BTG4: variants seen among roughly 807,000 people sequenced by gnomAD.
The protein encoded by BTG4 is protein BTG4.
Under a neutral mutation model 19.3 loss-of-function variants are expected in BTG4, and 10 were observed. The observed-to-expected ratio is 0.52, with a 90% CI of 0.32 to 0.88. BTG4 has a LOEUF of 0.88. BTG4 is among the 40% of genes least tolerant of loss of function. The pLI is 0.04. For synonymous variants in BTG4, 91 were observed against 95.7 expected, an observed-to-expected ratio of 0.95 and a Z score of 0.29; for missense variants, 238 against 281.9, an observed-to-expected ratio of 0.84 and a Z score of 1.11.
chr11:111,405,982 C>T, the BTG4 span, among the ~76,000 whole-genome samples: 1 of 152,162 alleles, frequency 6.6e-6, no homozygotes, highest in Non-Finnish European at 1.5e-5. Context: ...ATTATTACAG[C>T]ATTCTGCAGA....
the BTG4 span, among the ~76,000 whole-genome samples, chr11:111,402,023 C>T: frequency 2.0e-5 from 3 of 152,174 alleles, no homozygotes; most frequent in African/African-American, 7.2e-5. Context: ...TGTGTCTCCA[C>T]CCAACTCTCA....
the BTG4 span, among the ~76,000 whole-genome samples, chr11:111,426,176 C>T: frequency 7.2e-5 from 11 of 152,056 alleles, no homozygotes; most frequent in South Asian, 2.1e-3. Context: ...GGGGTATGCT[C>T]AGTGTCTTCC....
chr11:111,471,435 T>C (rs927225101), intron 5 of BTG4, among the ~76,000 whole-genome samples: 5 of 152,204 alleles, frequency 3.3e-5, no homozygotes, highest in African/African-American at 1.2e-4. Context: ...TTTTCTGTGC[T>C]CATCCATCAG....
At chr11:111,477,220 AT>A (rs750538456) in intron 5 of BTG4, among the ~76,000 whole-genome samples, 1 of 152,152 alleles carries the variant, frequency 6.6e-6, no homozygotes, top group Admixed American at 6.5e-5. Context: ...AATGCCACAG[AT>A]TACAAGACAG....
At chr11:111,402,206 T>G in the BTG4 span, among the ~76,000 whole-genome samples, 1 of 7,186 alleles carries the variant, frequency 1.4e-4, no homozygotes, top group African/African-American at 6.8e-4. Flanking sequence ...TGATGCCATG[T>G]AAGATGTGAT....
intron 5 of BTG4, among the ~76,000 whole-genome samples, chr11:111,468,094 C>G (rs1863826220): frequency 6.6e-6 from 1 of 152,204 alleles, no homozygotes; most frequent in Non-Finnish European, 1.5e-5. Flanking sequence ...TATTGCTAAA[C>G]AATTCTGAGA....
intron 1 of BTG4, among the ~76,000 whole-genome samples, chr11:111,499,177 A>T (rs902709823): frequency 2.0e-5 from 3 of 152,238 alleles, no homozygotes; most frequent in Non-Finnish European, 2.9e-5. Flanking sequence ...TTCAGGAGAG[A>T]GTAATTCCAA....
At chr11:111,428,987 G>A in the BTG4 span, among the ~76,000 whole-genome samples, 1 of 152,300 alleles carries the variant, frequency 6.6e-6, no homozygotes, top group Non-Finnish European at 1.5e-5. Flanking sequence ...ATCGTTCTGA[G>A]CTCTCCCCAT....
chr11:111,434,081 C>T, the BTG4 span, among the ~76,000 whole-genome samples: 2 of 152,196 alleles, frequency 1.3e-5, no homozygotes, highest in Non-Finnish European at 2.9e-5. Flanking sequence ...AATCATGCTA[C>T]TATAAAGACA....
the BTG4 span, among the ~76,000 whole-genome samples, chr11:111,395,505 C>A: frequency 1.2e-4 from 18 of 152,346 alleles, no homozygotes; most frequent in Middle Eastern, 6.8e-3. Context: ...AGTCAGGGAC[C>A]TCCCCTATTT....
the BTG4 span, among the ~76,000 whole-genome samples, chr11:111,449,166 CT>C: frequency 6.6e-6 from 1 of 152,136 alleles, no homozygotes; most frequent in African/African-American, 2.4e-5. Flanking sequence ...TGGTCTCCCC[CT>C]GACTCCTCCC....
chr11:111,404,247 C>A, the BTG4 span, among the ~76,000 whole-genome samples: 29 of 152,300 alleles, frequency 1.9e-4, no homozygotes, highest in African/African-American at 5.5e-4. Flanking sequence ...AACTGTGAGT[C>A]CATTAAACCT....
downstream of BTG4, chr11:111,462,722 G>A (rs183832370): frequency 6.6e-6 from 1 of 152,558 alleles, no homozygotes; most frequent in Admixed American, 6.5e-5. Flanking sequence ...TAGGTATGCA[G>A]AAGGTCCTGC....
chr11:111,479,565 A>T (rs1864608841), intron 5 of BTG4, among the ~76,000 whole-genome samples: 1 of 152,156 alleles, frequency 6.6e-6, no homozygotes, highest in Non-Finnish European at 1.5e-5. Context: ...AAGGAAGAAC[A>T]CAGGAAGTGA....
At chr11:111,423,121 C>T in the BTG4 span, among the ~76,000 whole-genome samples, 2 of 152,276 alleles carry the variant, frequency 1.3e-5, no homozygotes, top group East Asian at 3.9e-4. Flanking sequence ...CCCTGTTGGC[C>T]ACTCCTAAGC....
At chr11:111,415,335 C>T in the BTG4 span, among the ~76,000 whole-genome samples, 1 of 152,216 alleles carries the variant, frequency 6.6e-6, no homozygotes, top group Non-Finnish European at 1.5e-5. Flanking sequence ...ATATTGTAAA[C>T]TGGCAGCTGA....
the BTG4 span, among the ~76,000 whole-genome samples, chr11:111,438,910 T>C: frequency 6.6e-6 from 1 of 152,362 alleles, no homozygotes; most frequent in African/African-American, 2.4e-5. Context: ...CCTGCTGTCC[T>C]ATCCATCCAC....
chr11:111,451,330 G>A, the BTG4 span: 1 of 439,808 alleles, frequency 2.3e-6, no homozygotes, highest in Admixed American at 2.4e-5. Context: ...TATGAGCAAA[G>A]CCTCAGCCTC....
At chr11:111,493,589 C>A (rs1237527391), downstream of BTG4, among the ~76,000 whole-genome samples, 1 of 152,172 alleles carries the variant, frequency 6.6e-6, no homozygotes, top group East Asian at 1.9e-4. Flanking sequence ...GCAAACATCA[C>A]AACCACCTCC....
Sources: gnomAD v4.1 joint callset for allele counts (sites outside exome capture counted in the v4.1 genomes callset) on GRCh38, gnomAD v4.1.1 for gene constraint, MANE v1.5 for transcripts, NCBI Gene and HGNC (gene_info 2026-07-23, HGNC 2026-07-21) for gene names.